TTC7B: variants seen among roughly 807,000 people sequenced by gnomAD.
The protein encoded by TTC7B is tetratricopeptide repeat protein 7B.
TTC7B carries 28 observed loss-of-function variants against 106.8 expected under a neutral mutation model. The observed-to-expected ratio is 0.26, with a 90% CI of 0.19 to 0.36. TTC7B has a LOEUF of 0.36. Among genes scored for constraint, TTC7B ranks in the 10% least tolerant of loss-of-function variants. The pLI is 1.00. For missense variants in TTC7B, 862 were observed against 1,076.4 expected (o/e 0.80, Z 2.79); for synonymous variants, 405 against 430.6 (o/e 0.94, Z 0.74).
At chr14:90,764,972 T>C (rs1275242890) in intron 3 of TTC7B, among the ~76,000 whole-genome samples, 1 of 152,146 alleles carries the variant, frequency 6.6e-6, no homozygotes, top group African/African-American at 2.4e-5. Context: ...CCAAAATGTT[T>C]TGGATGGGAT....
Position 90,676,574 on chromosome 14 carries a change from G to C in TTC7B, c.1101C>G (p.Asp367Glu). ...TTCTTCCAAGAGCAATGGTGAGTAA[G>C]TCATAGACCACAGATGCACTCTGCA... ...ISLQSASVVY[D>E]LLTIALGRRG... Residue 367 changes from aspartate (D) to glutamate (E), a missense_variant, in exon 9 of 20, where the codon GAC (aspartate) becomes GAG (glutamate). Asp to Glu is a conservative substitution (Grantham distance 45, BLOSUM62 2). Coordinates refer to ENST00000328459, the MANE Select transcript of TTC7B (RefSeq NM_001010854.2). 6.2e-7 allele frequency: 1 copy of C among 1,614,186 alleles called. No homozygotes were observed. The highest frequency in any genetic ancestry group is 8.5e-7 in the Non-Finnish European group (1 of 1,180,020).
rs71461922 is a variant in TTC7B at position 90,737,546 on chromosome 14, GTT to G, written c.576+7244_576+7245del. Among the ~76,000 whole-genome samples, 291 of 91,760 alleles carry G rather than the reference GTT, an allele frequency of 3.2e-3. 5 individuals are homozygous for G. The highest frequency in any genetic ancestry group is 9.2e-3 in the African/African-American group (251 of 27,336). 60.2% of individuals were successfully genotyped at this position (91,760 alleles called of 152,430 possible). On this transcript the variant is annotated intron_variant, in intron 4 of 19. Transcript: ENST00000328459. Reference sequence around the variant, plus strand: ...AAAAGATCATATATTGTATGATTCTGTTTTTTTTTTTTTTTTTTTTTTTTTGA... The same window carrying G: ...AAAAGATCATATATTGTATGATTCTGTTTTTTTTTTTTTTTTTTTTTTTGA...
intron 19 of TTC7B, among the ~76,000 whole-genome samples, chr14:90,544,924 G>C (rs1889761670): frequency 6.6e-6 from 1 of 152,234 alleles, no homozygotes; most frequent in South Asian, 2.1e-4. Flanking sequence ...TGCAGGTGGA[G>C]AATATAATTC....
chr14:90,786,688 T>G (rs1891403170), intron 1 of TTC7B, among the ~76,000 whole-genome samples: 2 of 152,256 alleles, frequency 1.3e-5, no homozygotes, highest in South Asian at 4.1e-4. Context: ...CAAGCGATTC[T>G]CCTGCCTCAG....
At chr14:90,760,627 G>T (rs11628369) in intron 3 of TTC7B, among the ~76,000 whole-genome samples, 19,951 of 152,254 alleles carry the variant, frequency 0.13, 1,624 homozygotes, top group Non-Finnish European at 0.18. Flanking sequence ...CCAGGGGAAA[G>T]CTCTGTGTCA....
intron 3 of TTC7B, among the ~76,000 whole-genome samples, chr14:90,758,494 A>T (rs930338219): frequency 6.6e-6 from 1 of 151,722 alleles, no homozygotes; most frequent in Non-Finnish European, 1.5e-5. Flanking sequence ...CACGGTCCCA[A>T]GGCCGACCCG....
In TTC7B at chr14:90,608,514, C is replaced by T. The variant is rs2139839257; in HGVS notation, c.1966+2228G>A. Among the ~76,000 whole-genome samples the T allele has an allele frequency of 6.6e-6, 1 of 152,204 alleles. No individual in the cohort carries two copies. Among genetic ancestry groups the T allele is most frequent in the East Asian group, 1.9e-4 (1 of 5,174 alleles). On this transcript the variant is annotated intron_variant, in intron 17 of 19. Transcript: ENST00000328459. This position sits in a 1 kb window ranked among gnomAD's most constrained non-coding sequence, Gnocchi z 5.1. ...TGTTGTTGAGGAAGGGCATAGGAGC[C>T]CGCGGTCCTGACTCCAAACACCTAG...
intron 15 of TTC7B, among the ~76,000 whole-genome samples, chr14:90,640,137 G>C (rs948581208): frequency 1.3e-5 from 2 of 152,080 alleles, no homozygotes; most frequent in African/African-American, 4.8e-5. Context: ...AAATGAGCTG[G>C]GTATGGTGGC....
rs1166888956 is a variant in TTC7B at position 90,663,625 on chromosome 14, A to C, written c.1153-5238T>G. Among the ~76,000 whole-genome samples, 1 of 152,202 alleles carries C rather than the reference A, an allele frequency of 6.6e-6. No individual in the cohort carries two copies. The highest frequency in any genetic ancestry group is 6.5e-5 in the Admixed American group (1 of 15,282). ...AAAGTTCTCAATCGACAAAGATTAC[A>C]TGAGTCCTGTGTTTCCTCTACAGGC... On this transcript the variant is annotated intron_variant, in intron 9 of 19. Coordinates refer to ENST00000328459, the MANE Select transcript of TTC7B (RefSeq NM_001010854.2). The surrounding 1 kb of genome is among the most constrained non-coding windows in gnomAD (Gnocchi z 4.5).
rs1293587705 is a variant in TTC7B, at chr14:90,808,802, AGG to A, written c.121+7371_121+7372del. On this transcript the variant is annotated intron_variant, in intron 1 of 19. Coordinates refer to ENST00000328459, the MANE Select transcript of TTC7B (RefSeq NM_001010854.2). This position sits in a 1 kb window ranked among gnomAD's most constrained non-coding sequence, Gnocchi z 4.2. Reference sequence around the variant, plus strand: ...AACCCGCCACCATCTACCAAGCATGAGGTCATTCAGAGGGGCAGGAATCCACC... The same window carrying A: ...AACCCGCCACCATCTACCAAGCATGATCATTCAGAGGGGCAGGAATCCACC... 6.6e-6 allele frequency among the ~76,000 whole-genome samples: 1 copy of A among 152,202 alleles called. No individual in the cohort carries two copies. The highest frequency in any genetic ancestry group is 2.4e-5 in the African/African-American group (1 of 41,442).
intron 1 of TTC7B, among the ~76,000 whole-genome samples, chr14:90,801,751 G>C (rs565185022): frequency 6.6e-6 from 1 of 152,130 alleles, no homozygotes; most frequent in Non-Finnish European, 1.5e-5. Flanking sequence ...AGGGGTATTT[G>C]AGTGCATTGA....
At chr14:90,644,784 T>C (rs1411715472) in intron 14 of TTC7B, 5 of 152,256 alleles carry the variant, frequency 3.3e-5, no homozygotes, top group South Asian at 4.1e-4. Context: ...CAAGGAAACA[T>C]GCCAAAAAAG....
chr14:90,749,542 A>G (rs1259617730), intron 3 of TTC7B, among the ~76,000 whole-genome samples: 1 of 151,070 alleles, frequency 6.6e-6, no homozygotes, highest in East Asian at 1.9e-4. Context: ...AGTAGCTGGG[A>G]TTGCAGGCAT....
At chr14:90,798,773 GAAT>G (rs1430107069) in intron 1 of TTC7B, among the ~76,000 whole-genome samples, 1 of 144,074 alleles carries the variant, frequency 6.9e-6, no homozygotes, top group East Asian at 2.0e-4. Context: ...CAGATATTCA[GAAT>G]AATTCCTAAA....
chr14:90,577,917 TG>T lies in TTC7B; in HGVS notation c.2310+188del. ...TGCTGAGGCTATACACAGCCAACTCTGGGGGTGCCATTTGCATAAACTATGG... is the reference window on the plus strand; with the variant it reads ...TGCTGAGGCTATACACAGCCAACTCTGGGGTGCCATTTGCATAAACTATGG... On this transcript the variant is annotated intron_variant, in intron 19 of 19. Coordinates refer to ENST00000328459, the MANE Select transcript of TTC7B (RefSeq NM_001010854.2). The surrounding 1 kb of genome is among the most constrained non-coding windows in gnomAD (Gnocchi z 5.0). Among the ~76,000 whole-genome samples, 1 of 152,314 alleles carries T rather than the reference TG, an allele frequency of 6.6e-6. No homozygotes were observed.
chr14:90,709,523 C>A (rs1360761940), intron 5 of TTC7B, among the ~76,000 whole-genome samples: 2 of 121,612 alleles, frequency 1.6e-5, no homozygotes, highest in South Asian at 5.6e-4. Flanking sequence ...ACATCACACA[C>A]CGGGGACTGT....
intron 8 of TTC7B, chr14:90,677,908 G>A (rs899280552): frequency 4.6e-5 from 20 of 433,498 alleles, no homozygotes; most frequent in Middle Eastern, 3.4e-4. Flanking sequence ...CATCTCTTAC[G>A]GAAACAAGCC....
chr14:90,705,363 G>A (rs1220208855), intron 5 of TTC7B, among the ~76,000 whole-genome samples: 2 of 152,034 alleles, frequency 1.3e-5, no homozygotes, highest in Non-Finnish European at 2.9e-5. Flanking sequence ...TTCGTTACTC[G>A]CAACTGATAA....
chr14:90,582,283 G>C (rs1006213358), intron 18 of TTC7B, among the ~76,000 whole-genome samples: 1 of 152,228 alleles, frequency 6.6e-6, no homozygotes, highest in South Asian at 2.1e-4. Context: ...ACAGTGTCAT[G>C]AGAACATGGA....
Sources: gnomAD v4.1 joint callset for allele counts (sites outside exome capture counted in the v4.1 genomes callset) on GRCh38, gnomAD v4.1.1 for gene constraint, Gnocchi (gnomAD v3.1) non-coding constraint, MANE v1.5 for transcripts, NCBI Gene and HGNC (gene_info 2026-07-23, HGNC 2026-07-21) for gene names.